EXOC4: variants seen among roughly 807,000 people sequenced by gnomAD.
EXOC4 encodes the protein SEC8-like 1.
In EXOC4, 71 loss-of-function variants were observed where a neutral mutation model predicts 107.2. That is an observed-to-expected ratio of 0.66 (90% CI 0.55 to 0.81). The LOEUF is 0.81. EXOC4 is among the 30% of genes least tolerant of loss of function. The probability of loss-of-function intolerance (pLI) is 0.00; values close to 1 mark genes in which losing one functional copy is unlikely to be tolerated. For synonymous variants in EXOC4, 456 were observed against 441.2 expected (o/e 1.03, Z -0.42); for missense variants, 1,108 against 1,189.6 (o/e 0.93, Z 1.01).
At chr7:133,823,862 TA>T (rs56846465) in intron 11 of EXOC4, among the ~76,000 whole-genome samples, 2 of 22,386 alleles carry the variant, frequency 8.9e-5, no homozygotes, top group African/African-American at 2.7e-4. Context: ...TATATATATA[TA>T]TATATATATT....
intron 9 of EXOC4, among the ~76,000 whole-genome samples, chr7:133,503,373 C>A (rs1459664289): frequency 6.6e-6 from 1 of 152,166 alleles, no homozygotes; most frequent in Non-Finnish European, 1.5e-5. Context: ...GTTGCTATGG[C>A]ATTTTTCTCT....
At chr7:133,305,567 G>A (rs981338968) in intron 3 of EXOC4, among the ~76,000 whole-genome samples, 1 of 152,194 alleles carries the variant, frequency 6.6e-6, no homozygotes, top group Non-Finnish European at 1.5e-5. Context: ...TTGTGAGAAT[G>A]TGAATGATAG....
chr7:133,531,729 T>C (rs538094449), intron 9 of EXOC4, among the ~76,000 whole-genome samples: 2 of 152,304 alleles, frequency 1.3e-5, no homozygotes, highest in South Asian at 4.1e-4. Context: ...GTTGTACTGC[T>C]TCTTTGCAGT....
intron 10 of EXOC4, among the ~76,000 whole-genome samples, chr7:133,775,332 T>C (rs1796324039): frequency 6.6e-6 from 1 of 152,180 alleles, no homozygotes; most frequent in African/African-American, 2.4e-5. Flanking sequence ...CATGGATCAT[T>C]TGTAGCTTGT....
chr7:133,285,428 C>CA (rs1232422683), intron 2 of EXOC4, among the ~76,000 whole-genome samples: 1 of 152,190 alleles, frequency 6.6e-6, no homozygotes, highest in Non-Finnish European at 1.5e-5. Context: ...ATTCTTTCCT[C>CA]ATACTTGATT....
chr7:133,277,419 A>G (rs538642227), intron 2 of EXOC4, among the ~76,000 whole-genome samples: 46 of 152,262 alleles, frequency 3.0e-4, no homozygotes, highest in African/African-American at 1.0e-3. Context: ...TCCTAATCTC[A>G]TGGGCATGGG....
intron 10 of EXOC4, among the ~76,000 whole-genome samples, chr7:133,678,935 T>C (rs577715441): frequency 4.6e-5 from 7 of 152,170 alleles, no homozygotes; most frequent in Non-Finnish European, 4.4e-5. Context: ...CCACTGTCTT[T>C]ATGGCTCCTC....
chr7:133,974,732 C>T (rs1424028668), intron 14 of EXOC4, among the ~76,000 whole-genome samples: 2 of 152,134 alleles, frequency 1.3e-5, no homozygotes, highest in Non-Finnish European at 2.9e-5. Flanking sequence ...AACACAAAGG[C>T]AAGGAAGGTG....
intron 11 of EXOC4, among the ~76,000 whole-genome samples, chr7:133,846,422 C>A (rs184744661): frequency 6.6e-6 from 1 of 152,120 alleles, no homozygotes; most frequent in Non-Finnish European, 1.5e-5. Context: ...TTGCATCCCA[C>A]GGTTGGTACT....
chr7:133,498,088 G>A (rs1799512557), intron 9 of EXOC4, among the ~76,000 whole-genome samples: 1 of 152,076 alleles, frequency 6.6e-6, no homozygotes, highest in Non-Finnish European at 1.5e-5. Flanking sequence ...CACTGAACAT[G>A]CCCAAATCAG....
chr7:133,682,345 A>G (rs1370007623), intron 10 of EXOC4, among the ~76,000 whole-genome samples: 2 of 152,180 alleles, frequency 1.3e-5, no homozygotes, highest in Non-Finnish European at 2.9e-5. Context: ...TAATTTGAAA[A>G]GTATATGTTA....
At chr7:133,755,525 G>A (rs57874628) in intron 10 of EXOC4, among the ~76,000 whole-genome samples, 1 of 150,306 alleles carries the variant, frequency 6.7e-6, no homozygotes, top group African/African-American at 2.5e-5. Flanking sequence ...TGTATTTTTA[G>A]TACAGATGGG....
intron 10 of EXOC4, among the ~76,000 whole-genome samples, chr7:133,783,567 A>G (rs927245887): frequency 1.3e-5 from 2 of 152,286 alleles, no homozygotes; most frequent in African/African-American, 2.4e-5. Flanking sequence ...TCATCCATCT[A>G]TATTTTCTTG....
intron 8 of EXOC4, chr7:133,479,216 A>T (rs1250209696): frequency 6.6e-6 from 1 of 152,186 alleles, no homozygotes; most frequent in Middle Eastern, 3.2e-3. Flanking sequence ...CAAAGGATTT[A>T]CTGTTTGATA....
chr7:133,932,213 T>C (rs1247288814), intron 13 of EXOC4, among the ~76,000 whole-genome samples: 3 of 152,202 alleles, frequency 2.0e-5, no homozygotes, highest in Non-Finnish European at 4.4e-5. Flanking sequence ...CTTCTTATCG[T>C]ACATGTTATA....
intron 9 of EXOC4, among the ~76,000 whole-genome samples, chr7:133,596,329 T>C (rs1801674546): frequency 6.6e-6 from 1 of 152,220 alleles, no homozygotes; most frequent in Non-Finnish European, 1.5e-5. Context: ...AAGACAAAAA[T>C]AGGCTAACTT....
intron 6 of EXOC4, among the ~76,000 whole-genome samples, chr7:133,367,604 A>G (rs994768894): frequency 5.3e-5 from 8 of 152,048 alleles, no homozygotes; most frequent in African/African-American, 1.9e-4. Flanking sequence ...TACTAATATC[A>G]CTTTGGCCTC....
At chr7:133,342,288 T>C (rs1434352543) in intron 5 of EXOC4, among the ~76,000 whole-genome samples, 2 of 152,174 alleles carry the variant, frequency 1.3e-5, no homozygotes, top group Non-Finnish European at 2.9e-5. Flanking sequence ...CTTTCCTTCA[T>C]TTATGAAGCT....
intron 5 of EXOC4, among the ~76,000 whole-genome samples, chr7:133,328,480 T>C (rs1795302075): frequency 6.6e-6 from 1 of 152,114 alleles, no homozygotes. Context: ...AGTATGCTAG[T>C]TGGTTATTTT....
Sources: allele counts gnomAD v4.1 joint callset (sites outside exome capture counted in the v4.1 genomes callset), GRCh38; gene constraint gnomAD v4.1.1; transcripts MANE v1.5; gene names NCBI Gene and HGNC (gene_info 2026-07-23, HGNC 2026-07-21).